The following PACRG variants were observed in gnomAD, a reference collection of about 807,000 sequenced individuals.
The protein encoded by PACRG is parkin coregulated.
Under a neutral mutation model 29.7 loss-of-function variants are expected in PACRG, and 29 were observed. That is an observed-to-expected ratio of 0.98 (90% CI 0.73 to 1.33). PACRG has a LOEUF of 1.33. Ranked by LOEUF, PACRG falls within the 40% of genes most tolerant of loss-of-function variation. The pLI is 0.00. For synonymous variants in PACRG, 116 were observed against 118.7 expected (o/e 0.98, Z 0.15); for missense variants, 279 against 316.2 (o/e 0.88, Z 0.89).
chr6:162,970,803 A>C (rs1801462941), intron 2 of PACRG, among the ~76,000 whole-genome samples: 1 of 150,568 alleles, frequency 6.6e-6, no homozygotes. Flanking sequence ...CAAACAGGTA[A>C]AAATTACAAC....
rs537650021 is a variant in PACRG at position 162,919,432 on chromosome 6, A to G, written c.291+105151A>G. ...AAAAGGATCAAAAGTTCTTGTTACG[A>G]ATGATTTGAGCCATGCTCCAGAAAA... is the stretch of plus-strand genomic sequence containing the variant. On this transcript the variant is annotated intron_variant, in intron 2 of 4. Coordinates refer to ENST00000366888, the MANE Select transcript of PACRG (RefSeq NM_001080379.2). Among the ~76,000 whole-genome samples, 3 of 152,312 alleles carry G rather than the reference A, an allele frequency of 2.0e-5. No individual in the cohort carries two copies. The East Asian group carries it at 5.8e-4, about 29-fold the overall frequency.
intron 2 of PACRG, among the ~76,000 whole-genome samples, chr6:162,947,376 TC>T (rs368703257): frequency 4.7e-4 from 15 of 31,764 alleles, no homozygotes; most frequent in African/African-American, 1.1e-3. Context: ...TCATATATAA[TC>T]ATATATATAA....
At chr6:162,942,452 A>G (rs1325096315) in intron 2 of PACRG, among the ~76,000 whole-genome samples, 1 of 151,868 alleles carries the variant, frequency 6.6e-6, no homozygotes, top group African/African-American at 2.4e-5. Flanking sequence ...TTTTGTACTG[A>G]CACTTCATCC....
chr6:162,900,146 C>T (rs968689322), intron 2 of PACRG, among the ~76,000 whole-genome samples: 1 of 151,988 alleles, frequency 6.6e-6, no homozygotes, highest in Non-Finnish European at 1.5e-5. Context: ...AATGCACCCT[C>T]GAGAACTGAT....
intron 2 of PACRG, among the ~76,000 whole-genome samples, chr6:162,989,746 T>G (rs541407310): frequency 2.0e-5 from 3 of 152,128 alleles, no homozygotes; most frequent in East Asian, 3.9e-4. Flanking sequence ...CTTTTCTTTT[T>G]TTTTATTATA....
intron 2 of PACRG, among the ~76,000 whole-genome samples, chr6:162,929,365 TG>T (rs1207768466): frequency 6.6e-6 from 1 of 151,992 alleles, no homozygotes. Flanking sequence ...ATACACCCAT[TG>T]GCTATTTGTA....
At chr6:162,761,982 G>T (rs1256873186) in intron 1 of PACRG, among the ~76,000 whole-genome samples, 1 of 129,506 alleles carries the variant, frequency 7.7e-6, no homozygotes, top group Non-Finnish European at 1.6e-5. Flanking sequence ...AAACCCCTGA[G>T]TGACACTAAA....
intron 1 of PACRG, among the ~76,000 whole-genome samples, chr6:162,805,410 CTT>C (rs1156906045): frequency 6.6e-6 from 1 of 152,152 alleles, no homozygotes; most frequent in East Asian, 1.9e-4. Flanking sequence ...TTCAGTGAGT[CTT>C]AGTCTTTTTG....
intron 2 of PACRG, among the ~76,000 whole-genome samples, chr6:163,029,928 G>A (rs1219305192): frequency 1.3e-5 from 2 of 152,180 alleles, no homozygotes; most frequent in East Asian, 3.9e-4. Flanking sequence ...AGGAGTAAAT[G>A]AGGAGCAGGA....
chr6:162,738,261 A>C (rs909522326), intron 1 of PACRG, among the ~76,000 whole-genome samples: 1 of 152,232 alleles, frequency 6.6e-6, no homozygotes, highest in African/African-American at 2.4e-5. Context: ...GATAATAGAA[A>C]TTCAAGAACT....
intron 2 of PACRG, among the ~76,000 whole-genome samples, chr6:163,031,844 A>T (rs1319640499): frequency 2.0e-5 from 3 of 152,154 alleles, no homozygotes; most frequent in Non-Finnish European, 2.9e-5. Flanking sequence ...TACTTACCAC[A>T]GGTCAGAAAC....
intron 2 of PACRG, among the ~76,000 whole-genome samples, chr6:163,047,643 C>T (rs1049376796): frequency 8.5e-5 from 13 of 152,096 alleles, no homozygotes; most frequent in African/African-American, 3.1e-4. Flanking sequence ...AAGGTTATTC[C>T]ATAAAATAAT....
At chr6:163,083,955 A>G (rs925942213) in intron 3 of PACRG, among the ~76,000 whole-genome samples, 1 of 152,030 alleles carries the variant, frequency 6.6e-6, no homozygotes, top group Non-Finnish European at 1.5e-5. Flanking sequence ...AAAATTATAC[A>G]TGTAGCATAT....
intron 2 of PACRG, among the ~76,000 whole-genome samples, chr6:163,030,525 C>A (rs1807560964): frequency 6.6e-6 from 1 of 152,078 alleles, no homozygotes; most frequent in South Asian, 2.1e-4. Flanking sequence ...GAAAGGGGTC[C>A]CCTTCCAGAC....
intron 2 of PACRG, among the ~76,000 whole-genome samples, chr6:162,923,283 T>A (rs73605867): frequency 0.014 from 2,098 of 152,310 alleles, 54 homozygotes; most frequent in African/African-American, 0.049. Flanking sequence ...TCGTCCCTTG[T>A]CAGATGAATA....
rs144787638 is a variant in PACRG, at chr6:162,916,831, A to G, written c.291+102550A>G. Reference sequence around the variant, plus strand: ...AGAGTCAGTGTCAGTCAAGAGACGCAATGATGAATGGAGCTGGCCCAGTGT... The same window carrying G: ...AGAGTCAGTGTCAGTCAAGAGACGCGATGATGAATGGAGCTGGCCCAGTGT... On this transcript the variant is annotated intron_variant, in intron 2 of 4. Coordinates refer to ENST00000366888, the MANE Select transcript of PACRG (RefSeq NM_001080379.2). Among the ~76,000 whole-genome samples, 8 of 152,048 alleles carry G rather than the reference A, an allele frequency of 5.3e-5. No homozygotes were observed. The South Asian group carries it at 1.5e-3, about 28-fold the overall frequency.
At chr6:163,283,570 G>T (rs1784288696) in intron 4 of PACRG, among the ~76,000 whole-genome samples, 1 of 152,012 alleles carries the variant, frequency 6.6e-6, no homozygotes, top group Admixed American at 6.6e-5. Flanking sequence ...GGAGGCCGAG[G>T]CGGGTGGATC....
intron 4 of PACRG, among the ~76,000 whole-genome samples, chr6:163,222,699 A>G (rs1348945786): frequency 1.3e-5 from 2 of 152,198 alleles, no homozygotes; most frequent in African/African-American, 4.8e-5. Flanking sequence ...CATTTGCCCA[A>G]TCTGCCCAAG....
At chr6:162,845,556 A>G (rs1790296396) in intron 2 of PACRG, among the ~76,000 whole-genome samples, 1 of 152,138 alleles carries the variant, frequency 6.6e-6, no homozygotes, top group African/African-American at 2.4e-5. Flanking sequence ...ACCTCCTGTG[A>G]TCAATGTCCA....
Sources: gnomAD v4.1 joint callset for allele counts (sites outside exome capture counted in the v4.1 genomes callset) on GRCh38, gnomAD v4.1.1 for gene constraint, MANE v1.5 for transcripts, NCBI Gene and HGNC (gene_info 2026-07-23, HGNC 2026-07-21) for gene names.